FER: variants seen among roughly 807,000 people sequenced by gnomAD.
FER encodes FER tyrosine kinase, also known as tyrosine-protein kinase Fer.
A neutral mutation model predicts 111.0 loss-of-function variants in FER; 63 were observed. The ratio of observed to expected loss-of-function variants is 0.57; its 90% CI spans 0.46 to 0.70. The LOEUF (loss-of-function observed/expected upper bound fraction) is 0.70. Ranked by LOEUF, FER falls within the 30% of genes least tolerant of loss-of-function variation. FER has a pLI of 0.00. For synonymous variants in FER, 327 were observed against 313.9 expected (o/e 1.04, Z -0.44); for missense variants, 914 against 954.0 (o/e 0.96, Z 0.55).
At chr5:109,080,953 T>A (rs1385091028) in intron 16 of FER, among the ~76,000 whole-genome samples, 1 of 152,026 alleles carries the variant, frequency 6.6e-6, no homozygotes, top group Non-Finnish European at 1.5e-5. Flanking sequence ...CTTTTACAAA[T>A]AATAAAATAT....
chr5:108,856,277 A>G (rs755041750), intron 5 of FER, among the ~76,000 whole-genome samples: 6 of 152,286 alleles, frequency 3.9e-5, no homozygotes, highest in Admixed American at 2.6e-4. Context: ...TCACACTAAT[A>G]TGGTTCAGAT....
chr5:109,117,657 A>G (rs554834584), intron 17 of FER, among the ~76,000 whole-genome samples: 122 of 151,948 alleles, frequency 8.0e-4, no homozygotes, highest in Non-Finnish European at 1.5e-3. Context: ...ATGTTCTTCC[A>G]TTTGTTTGTA....
intron 13 of FER, among the ~76,000 whole-genome samples, chr5:108,964,042 T>C (rs1035531038): frequency 6.6e-6 from 1 of 152,210 alleles, no homozygotes; most frequent in Non-Finnish European, 1.5e-5. Context: ...TCCATGTTCT[T>C]CAATTCATTA....
Position 108,759,978 on chromosome 5 carries a change from T to C in FER, c.-205-8115T>C, listed in dbSNP as rs549302718. Among the ~76,000 whole-genome samples the C allele has an allele frequency of 1.2e-4, 19 of 152,314 alleles. No homozygotes were observed. In the South Asian group the frequency reaches 1.5e-3, roughly 12 times the overall value. The stretch of plus-strand genomic sequence containing the variant: ...CATAATACAGGTATATTTCACTGGA[T>C]AGATATGACAAGGATTTTTTGCCCT... On this transcript the variant is annotated intron_variant, in intron 1 of 19. Transcript: ENST00000281092.
At chr5:109,115,896 G>A (rs1457464208) in intron 17 of FER, among the ~76,000 whole-genome samples, 1 of 151,838 alleles carries the variant, frequency 6.6e-6, no homozygotes, top group African/African-American at 2.4e-5. Flanking sequence ...TCTACTCTGT[G>A]GTAGGCGTAG....
At chr5:109,014,158 A>G (rs1766703829) in intron 13 of FER, among the ~76,000 whole-genome samples, 1 of 151,510 alleles carries the variant, frequency 6.6e-6, no homozygotes, top group Non-Finnish European at 1.5e-5. Flanking sequence ...GTCCTTGCCC[A>G]TGCCTATGTC....
intron 1 of FER, among the ~76,000 whole-genome samples, chr5:108,762,214 C>T (rs1221053548): frequency 2.6e-5 from 4 of 152,288 alleles, no homozygotes; most frequent in Non-Finnish European, 5.9e-5. Context: ...ATGCCAGTGG[C>T]AGACACCTAT....
intron 16 of FER, among the ~76,000 whole-genome samples, chr5:109,061,632 A>T (rs888432927): frequency 2.6e-5 from 4 of 152,220 alleles, no homozygotes; most frequent in African/African-American, 7.2e-5. Flanking sequence ...GGATGAAAAC[A>T]TGAATCCCTA....
chr5:109,118,057 T>G (rs1297766398), intron 17 of FER, among the ~76,000 whole-genome samples: 1 of 151,752 alleles, frequency 6.6e-6, no homozygotes, highest in Non-Finnish European at 1.5e-5. Context: ...TGAATAGGAG[T>G]GGTGAGAGAG....
chr5:109,061,960 T>G (rs111934792), intron 16 of FER, among the ~76,000 whole-genome samples: 1,901 of 152,256 alleles, frequency 0.012, 38 homozygotes, highest in African/African-American at 0.043. Context: ...GAATTCAAGT[T>G]TAGAGTGAGT....
chr5:108,969,616 T>TTTTTTTTTTTTTTTTTTTGAGAC (rs1561695264), intron 13 of FER, among the ~76,000 whole-genome samples: 12 of 149,046 alleles, frequency 8.1e-5, no homozygotes, highest in African/African-American at 2.9e-4. Flanking sequence ...TTAATTTTTT[T>TTTTTTTTTTTTTTTTTTTGAGAC]GAACACTGTG....
At chr5:108,766,507 A>G (rs1752339045) in intron 1 of FER, among the ~76,000 whole-genome samples, 2 of 152,242 alleles carry the variant, frequency 1.3e-5, no homozygotes, top group African/African-American at 4.8e-5. Flanking sequence ...AATTACATAT[A>G]GATTAGATTT....
intron 13 of FER, among the ~76,000 whole-genome samples, chr5:108,975,624 A>G (rs891334903): frequency 6.6e-6 from 1 of 152,064 alleles, no homozygotes; most frequent in African/African-American, 2.4e-5. Context: ...TGTATTTTCT[A>G]CGGATAATTA....
At chr5:108,860,516 A>G (rs2150213364) in intron 5 of FER, among the ~76,000 whole-genome samples, 1 of 152,332 alleles carries the variant, frequency 6.6e-6, no homozygotes, top group South Asian at 2.1e-4. Flanking sequence ...ACTTTTTAAC[A>G]TTGTTCTTGT....
chr5:108,826,084 A>G (rs562061016), intron 3 of FER, among the ~76,000 whole-genome samples: 3 of 152,262 alleles, frequency 2.0e-5, no homozygotes, highest in African/African-American at 7.2e-5. Context: ...AGCCTTTATT[A>G]TGTTGAGATA....
intron 16 of FER, among the ~76,000 whole-genome samples, chr5:109,084,446 A>T (rs1777330510): frequency 6.6e-6 from 1 of 152,014 alleles, no homozygotes; most frequent in African/African-American, 2.4e-5. Flanking sequence ...TGAATGGTAC[A>T]CTTAAAAATG....
intron 13 of FER, among the ~76,000 whole-genome samples, chr5:109,009,291 C>G (rs1470864668): frequency 6.6e-6 from 1 of 152,090 alleles, no homozygotes; most frequent in Non-Finnish European, 1.5e-5. Context: ...CCACCTCAGC[C>G]TCCCAAAGTG....
At chr5:109,140,808 A>G (rs1753442093) in intron 17 of FER, among the ~76,000 whole-genome samples, 1 of 152,138 alleles carries the variant, frequency 6.6e-6, no homozygotes, top group South Asian at 2.1e-4. Context: ...ATGAATTGGG[A>G]GGGAAGAGAT....
intron 2 of FER, chr5:108,784,594 CAG>C (rs1385090677): frequency 1.3e-5 from 2 of 152,238 alleles, no homozygotes; most frequent in Non-Finnish European, 1.5e-5. Context: ...AGTGGGAAAT[CAG>C]GGGTCTCACA....
Sources: allele counts gnomAD v4.1 joint callset (sites outside exome capture counted in the v4.1 genomes callset), GRCh38; gene constraint gnomAD v4.1.1; transcripts MANE v1.5; gene names NCBI Gene and HGNC (gene_info 2026-07-23, HGNC 2026-07-21).